Variants in PUS7 observed in about 807,000 individuals in gnomAD.
The protein encoded by PUS7 is pseudouridylate synthase 7 homolog.
In PUS7, 48 loss-of-function variants were observed where a neutral mutation model predicts 79.8. The ratio of observed to expected loss-of-function variants is 0.60; its 90% CI spans 0.48 to 0.76. The LOEUF is 0.76. Ranked by LOEUF, PUS7 falls within the 30% of genes least tolerant of loss-of-function variation. PUS7 has a pLI of 0.00. For missense variants in PUS7, 729 were observed against 797.6 expected, an observed-to-expected ratio of 0.91 and a Z score of 1.04; for synonymous variants, 286 against 272.2, an observed-to-expected ratio of 1.05 and a Z score of -0.50.
chr7:105,482,152 C>A (rs1562798827), intron 8 of PUS7, among the ~76,000 whole-genome samples, 160 bp downstream of exon 8: 1 of 152,190 alleles, frequency 6.6e-6, no homozygotes, highest in African/African-American at 2.4e-5. Flanking sequence ...ACAGAGGTAT[C>A]TGCTCTCCCA....
At chr7:105,511,181 C>A (rs1255577743) in intron 1 of PUS7, among the ~76,000 whole-genome samples, 1 of 129,936 alleles carries the variant, frequency 7.7e-6, no homozygotes, top group Admixed American at 7.8e-5. Context: ...ACAGGCACGC[C>A]CGCCACTATG....
At chr7:105,458,269 AT>A (rs963002362) in intron 15 of PUS7, among the ~76,000 whole-genome samples, 14 of 151,612 alleles carry the variant, frequency 9.2e-5, no homozygotes, top group African/African-American at 1.9e-4. Context: ...TAATTAATTA[AT>A]TTTTTTTTGA....
chr7:105,492,962 G>C (rs1824859049), intron 6 of PUS7, among the ~76,000 whole-genome samples: 1 of 152,188 alleles, frequency 6.6e-6, no homozygotes, highest in Admixed American at 6.5e-5. Context: ...TTTCTTAGCA[G>C]TGTAAACATT....
In PUS7 at chr7:105,469,038, A is replaced by C. The variant is rs372600032; in HGVS notation, c.1399-575T>G. On this transcript the variant is annotated intron_variant, in intron 11 of 15. Transcript: ENST00000469408. ...CACCCCAGCCTCTTGAGTAGCTGTG[A>C]CTACAGGCGTGCACCACCATGCCAG... Among the ~76,000 whole-genome samples, 57 of 151,220 alleles carry C rather than the reference A, an allele frequency of 3.8e-4. 1 individual carries two copies. The East Asian group carries it at 9.4e-3, about 25-fold the overall frequency.
intron 1 of PUS7, among the ~76,000 whole-genome samples, chr7:105,516,089 G>A (rs968764383): frequency 2.6e-5 from 4 of 151,614 alleles, no homozygotes; most frequent in African/African-American, 7.3e-5. Context: ...GATTACAGGC[G>A]TGAGCCACCA....
At chr7:105,463,641 A>AT (rs1823522822) in intron 13 of PUS7, among the ~76,000 whole-genome samples, 1 of 44,844 alleles carries the variant, frequency 2.2e-5, no homozygotes, top group Non-Finnish European at 4.2e-5. Flanking sequence ...TACCTTCTGC[A>AT]GTTCTTTTTT....
chr7:105,516,100 C>G (rs532003281), intron 1 of PUS7, among the ~76,000 whole-genome samples: 5 of 152,034 alleles, frequency 3.3e-5, no homozygotes, highest in Non-Finnish European at 7.4e-5. Context: ...TGAGCCACCA[C>G]GCCTGGCCTA....
chr7:105,490,636 T>C (rs1454409753), intron 7 of PUS7, among the ~76,000 whole-genome samples: 2 of 152,160 alleles, frequency 1.3e-5, no homozygotes, highest in Non-Finnish European at 2.9e-5. Context: ...GCCTAACTCC[T>C]AGATCCTTAT....
intron 13 of PUS7, among the ~76,000 whole-genome samples, chr7:105,464,166 C>T (rs1467361048): frequency 6.6e-6 from 1 of 152,208 alleles, no homozygotes; most frequent in East Asian, 1.9e-4. Context: ...GGCAAAGTTC[C>T]TGATCCCAAA....
At position 105,506,179 on chromosome 7, in the gene PUS7, C is replaced by T; in HGVS notation, c.483+10G>A. 2 of 1,602,982 alleles carry T rather than the reference C, an allele frequency of 1.2e-6. No homozygotes were observed. The highest frequency in any genetic ancestry group is 2.2e-5 in the South Asian group (2 of 89,226). ...ACAGAAGGTGACATTTGCTAAAGAG[C>T]TACTTCTACCTCCTCATCCACTGGA... On this transcript the variant is annotated intron_variant, in intron 3 of 15. Coordinates refer to ENST00000469408, the MANE Select transcript of PUS7 (RefSeq NM_019042.5).
intron 1 of PUS7, among the ~76,000 whole-genome samples, chr7:105,518,010 T>C (rs1486045518): frequency 6.6e-6 from 1 of 152,084 alleles, no homozygotes; most frequent in African/African-American, 2.4e-5. Context: ...TAGCCATGCA[T>C]GGTGGTGTGG....
chr7:105,482,843 C>T (rs1036103805), intron 7 of PUS7, among the ~76,000 whole-genome samples: 1 of 151,842 alleles, frequency 6.6e-6, no homozygotes, highest in African/African-American at 2.4e-5. Context: ...TTATTTTTGT[C>T]AATCAGAAAA....
chr7:105,497,904 C>T (rs1295885192), intron 5 of PUS7, among the ~76,000 whole-genome samples: 1 of 152,098 alleles, frequency 6.6e-6, no homozygotes, highest in African/African-American at 2.4e-5. Context: ...TTGAAAATGT[C>T]CATAATAAAA....
intron 9 of PUS7, among the ~76,000 whole-genome samples, chr7:105,474,550 C>G (rs1396167944): frequency 6.8e-6 from 1 of 148,136 alleles, no homozygotes; most frequent in Non-Finnish European, 1.5e-5. Context: ...ACGCGAATCA[C>G]AAAGTCAGGA....
intron 7 of PUS7, among the ~76,000 whole-genome samples, chr7:105,486,301 C>T (rs1179513008): frequency 6.6e-6 from 1 of 152,126 alleles, no homozygotes; most frequent in Non-Finnish European, 1.5e-5. Flanking sequence ...AATCTGCCCG[C>T]CTTAGCCTCC....
At chr7:105,486,344 C>T (rs1161369853) in intron 7 of PUS7, among the ~76,000 whole-genome samples, 4 of 152,114 alleles carry the variant, frequency 2.6e-5, no homozygotes, top group Non-Finnish European at 5.9e-5. Flanking sequence ...TGAGCCACCG[C>T]ACCCAGCTGT....
chr7:105,484,769 G>C (rs974497265), intron 7 of PUS7, among the ~76,000 whole-genome samples: 3 of 148,146 alleles, frequency 2.0e-5, no homozygotes, highest in Non-Finnish European at 4.5e-5. Context: ...AGTGAGCTGA[G>C]ATCGTGCCAC....
intron 4 of PUS7, among the ~76,000 whole-genome samples, chr7:105,503,274 C>T (rs967348242): frequency 1.3e-5 from 2 of 152,194 alleles, no homozygotes; most frequent in African/African-American, 4.8e-5. Context: ...GCTGGACAGA[C>T]ACCTTAGGGA....
intron 15 of PUS7, among the ~76,000 whole-genome samples, chr7:105,458,571 A>ATT (rs1184288709): frequency 2.3e-4 from 29 of 124,898 alleles, no homozygotes; most frequent in Non-Finnish European, 2.4e-4. Context: ...CCAGCCACCA[A>ATT]TTTTTTTTTT....
Sources: allele counts gnomAD v4.1 joint callset (sites outside exome capture counted in the v4.1 genomes callset), GRCh38; gene constraint gnomAD v4.1.1; transcripts MANE v1.5; gene names NCBI Gene and HGNC (gene_info 2026-07-23, HGNC 2026-07-21).